Variants in DCAF12 observed in about 807,000 individuals in gnomAD.
DCAF12 encodes DDB1- and CUL4-associated factor 12.
DCAF12 carries 28 observed loss-of-function variants against 52.8 expected under a neutral mutation model. That is an observed-to-expected ratio of 0.53 (90% CI 0.39 to 0.73). The LOEUF is 0.73. Ranked by LOEUF, DCAF12 falls within the 30% of genes least tolerant of loss-of-function variation. The pLI is 0.00. For missense variants in DCAF12, 425 were observed against 552.2 expected (o/e 0.77, Z 2.31); for synonymous variants, 196 against 215.5 (o/e 0.91, Z 0.79).
chr9:34,122,336 G>C (rs973338587), intron 2 of DCAF12, among the ~76,000 whole-genome samples: 2 of 152,100 alleles, frequency 1.3e-5, no homozygotes, highest in Non-Finnish European at 2.9e-5. Context: ...CTACATAAAT[G>C]ACTGCCAAAT....
chr9:34,093,947 C>T (rs867340691), intron 6 of DCAF12, among the ~76,000 whole-genome samples: 1 of 152,218 alleles, frequency 6.6e-6, no homozygotes, highest in Non-Finnish European at 1.5e-5. Flanking sequence ...AGATAACCCA[C>T]ATCAGCCTTA....
chr9:34,105,197 G>A (rs1050242107), intron 4 of DCAF12, among the ~76,000 whole-genome samples: 2 of 151,944 alleles, frequency 1.3e-5, no homozygotes, highest in African/African-American at 2.4e-5. Flanking sequence ...AGGTTGTGGT[G>A]AGCCGAGGTC....
At chr9:34,123,439 A>T (rs1280879544) in intron 2 of DCAF12, among the ~76,000 whole-genome samples, 5 of 152,228 alleles carry the variant, frequency 3.3e-5, no homozygotes, top group African/African-American at 1.2e-4. Context: ...ATGCAAAAAC[A>T]AAAGCACAAA....
rs563192409 is a variant in DCAF12, at chr9:34,124,662, A to G, written c.333+361T>C. Among the ~76,000 whole-genome samples, 15 of 152,326 alleles carry G rather than the reference A, an allele frequency of 9.8e-5. 1 individual carries two copies. The highest frequency in any genetic ancestry group is 3.4e-3 in the Middle Eastern group (1 of 294). On this transcript the variant is annotated intron_variant, in intron 2 of 8. Transcript: ENST00000361264. ...TCTTAGGCTGTTTTCACTATTATGT[A>G]TCCTGAATGATGCTCTAAGCATCAT...
chr9:34,090,947 C>T (rs1170191968), intron 7 of DCAF12, among the ~76,000 whole-genome samples: 7 of 152,028 alleles, frequency 4.6e-5, no homozygotes, highest in African/African-American at 1.4e-4. Context: ...CATCAGCCAC[C>T]GTGCCCGGCC....
At chr9:34,116,092 G>A (rs1362907185) in intron 2 of DCAF12, among the ~76,000 whole-genome samples, 10 of 152,128 alleles carry the variant, frequency 6.6e-5, no homozygotes, top group African/African-American at 2.2e-4. Flanking sequence ...GGCTGGGTGC[G>A]GTGGCTCACG....
At chr9:34,119,731 G>A (rs1200471697) in intron 2 of DCAF12, among the ~76,000 whole-genome samples, 4 of 141,388 alleles carry the variant, frequency 2.8e-5, no homozygotes, top group African/African-American at 8.0e-5. Context: ...AGACAGGGTC[G>A]TGCTCTGTCA....
chr9:34,103,095 CAAAAAAA>C (rs34456166), intron 4 of DCAF12, among the ~76,000 whole-genome samples: 27,452 of 100,476 alleles, frequency 0.27, 3,204 homozygotes, highest in Middle Eastern at 0.34. Flanking sequence ...ACCTTAACTC[CAAAAAAA>C]AAAAAAAAAA....
In DCAF12 at chr9:34,118,867, A is replaced by G. The variant is rs559174258; in HGVS notation, c.333+6156T>C. The stretch of plus-strand genomic sequence containing the variant: ...TAATCCCAGCTACTTGGTGGTGCTG[A>G]AGCAGAAGAATCGCTTGAACCTGGG... On this transcript the variant is annotated intron_variant, in intron 2 of 8. Coordinates refer to ENST00000361264, the MANE Select transcript of DCAF12 (RefSeq NM_015397.4). 7.9e-5 allele frequency among the ~76,000 whole-genome samples: 12 copies of G among 152,266 alleles called. No homozygotes were observed. In the South Asian group the frequency reaches 2.5e-3, roughly 32 times the overall value.
At chr9:34,106,029 T>A (rs972341109) in intron 4 of DCAF12, among the ~76,000 whole-genome samples, 1 of 151,974 alleles carries the variant, frequency 6.6e-6, no homozygotes, top group African/African-American at 2.4e-5. Flanking sequence ...ATTACAGGTG[T>A]GAGCCACCAC....
At chr9:34,112,011 C>T (rs973170782) in intron 2 of DCAF12, among the ~76,000 whole-genome samples, 12 of 151,650 alleles carry the variant, frequency 7.9e-5, no homozygotes, top group African/African-American at 1.7e-4. Context: ...GATGTGGTGG[C>T]GGGCGCCTGT....
chr9:34,102,400 C>T (rs183022125), intron 4 of DCAF12, among the ~76,000 whole-genome samples: 109 of 152,232 alleles, frequency 7.2e-4, no homozygotes, highest in Non-Finnish European at 1.4e-3. Context: ...CGGTGGCTCA[C>T]GCCTGTAACC....
intron 6 of DCAF12, chr9:34,093,881 ACC>A (rs1828690037): frequency 5.4e-6 from 1 of 184,758 alleles, no homozygotes; most frequent in Non-Finnish European, 1.1e-5. Context: ...TCACCTTCCC[ACC>A]TGAATGGGAA....
intron 2 of DCAF12, among the ~76,000 whole-genome samples, chr9:34,124,036 AACC>A (rs1430569369): frequency 6.6e-6 from 1 of 152,172 alleles, no homozygotes; most frequent in Non-Finnish European, 1.5e-5. Context: ...TAAACAGACC[AACC>A]ACCATGGTAT....
chr9:34,126,305 T>C (rs1484236072), intron 1 of DCAF12, 49 bp downstream of exon 1: 1 of 1,603,038 alleles, frequency 6.2e-7, no homozygotes, highest in Non-Finnish European at 8.5e-7. Context: ...CCTAAGCCCA[T>C]CTTGGTTCCT....
chr9:34,089,706 GC>G (rs1340230582), intron 7 of DCAF12, 116 bp from the exon 8 acceptor site: 9 of 968,490 alleles, frequency 9.3e-6, no homozygotes, highest in African/African-American at 1.7e-5. Context: ...CCCTCCACCC[GC>G]CCCACAAAGT....
In DCAF12 at chr9:34,126,486, T is replaced by A. The variant is rs1314771766; in HGVS notation, c.-55A>T. The A allele has an allele frequency of 4.5e-6, 7 of 1,572,852 alleles. No individual in the cohort carries two copies. Among genetic ancestry groups the A allele is most frequent in the Admixed American group, 3.6e-5 (2 of 55,738 alleles). On this transcript the variant is annotated 5_prime_UTR_variant, in exon 1 of 9. Transcript: ENST00000361264. ...CACATGGGGCGGGGGAAGCGAAGGA[T>A]AGCAGGACGGCGGGTCATATACTGG...
chr9:34,094,821 C>T (rs893362963), intron 6 of DCAF12, among the ~76,000 whole-genome samples: 4 of 152,116 alleles, frequency 2.6e-5, no homozygotes, highest in East Asian at 3.9e-4. Flanking sequence ...TGAGCCACCG[C>T]ACCCGGCCCC....
At chr9:34,117,175 T>C (rs1439185480) in intron 2 of DCAF12, among the ~76,000 whole-genome samples, 1 of 152,214 alleles carries the variant, frequency 6.6e-6, no homozygotes, top group Non-Finnish European at 1.5e-5. Context: ...AGGGCCACAT[T>C]AGGATTTACA....
Sources: allele counts gnomAD v4.1 joint callset (sites outside exome capture counted in the v4.1 genomes callset), GRCh38; gene constraint gnomAD v4.1.1; transcripts MANE v1.5; gene names NCBI Gene and HGNC (gene_info 2026-07-23, HGNC 2026-07-21).